Variants in HMCN1 observed in about 807,000 individuals in gnomAD.
HMCN1 encodes the protein hemicentin-1.
In HMCN1, 321 loss-of-function variants were observed where a neutral mutation model predicts 625.9. The ratio of observed to expected loss-of-function variants is 0.51; its 90% CI spans 0.47 to 0.56. The LOEUF (loss-of-function observed/expected upper bound fraction) is 0.56, where lower values mean the gene tolerates loss of function less well. Ranked by LOEUF, HMCN1 falls within the 20% of genes least tolerant of loss-of-function variation. The pLI is 0.00. For missense variants in HMCN1, 6,588 were observed against 6,887.3 expected (o/e 0.96, Z 1.54); for synonymous variants, 2,425 against 2,417.6 (o/e 1.00, Z -0.09).
chr1:185,760,730 T>C (rs1360711700), intron 1 of HMCN1, among the ~76,000 whole-genome samples: 20 of 152,168 alleles, frequency 1.3e-4, no homozygotes, highest in Non-Finnish European at 1.5e-5. Context: ...CCAGGTTTCA[T>C]GGAAGGAATA....
chr1:186,062,491 T>C (rs1408626316), intron 47 of HMCN1, 23 bp from the exon 48 acceptor site: 1 of 1,378,612 alleles, frequency 7.3e-7, no homozygotes, highest in Non-Finnish European at 1.0e-6. Flanking sequence ...AGCTGTTATT[T>C]TGTTGTTGTT....
chr1:186,129,299 T>G (rs1661803195), intron 83 of HMCN1, among the ~76,000 whole-genome samples: 1 of 151,366 alleles, frequency 6.6e-6, no homozygotes, highest in Non-Finnish European at 1.5e-5. Context: ...TTAGTTGTTT[T>G]AGGATTAGCA....
At chr1:186,124,243 C>T (rs1301368115) in intron 81 of HMCN1, among the ~76,000 whole-genome samples, 2 of 151,844 alleles carry the variant, frequency 1.3e-5, no homozygotes, top group Non-Finnish European at 2.9e-5. Context: ...CTTTGAAAAC[C>T]CCAAACCCAG....
chr1:185,772,337 A>G (rs1656301672), intron 1 of HMCN1, among the ~76,000 whole-genome samples: 1 of 152,192 alleles, frequency 6.6e-6, no homozygotes, highest in Non-Finnish European at 1.5e-5. Context: ...AGCAGCAAAA[A>G]GTGAGGAAGT....
intron 63 of HMCN1, 74 bp from the exon 64 acceptor site, chr1:186,090,684 T>A (rs1468156465): frequency 2.0e-6 from 3 of 1,515,556 alleles, no homozygotes; most frequent in Non-Finnish European, 2.7e-6. Flanking sequence ...AATGTCATAT[T>A]GTTTTATGAC....
intron 11 of HMCN1, among the ~76,000 whole-genome samples, chr1:185,956,644 A>G (rs1016928544): frequency 1.3e-5 from 2 of 151,814 alleles, no homozygotes; most frequent in Non-Finnish European, 2.9e-5. Context: ...TTTGGTTTTT[A>G]TGGAGATGTC....
Position 185,923,907 on chromosome 1 carries a change from GA to G in HMCN1, c.1285+258del, listed in dbSNP as rs781313494. On this transcript the variant is annotated intron_variant, in intron 8 of 106. Coordinates refer to ENST00000271588, the MANE Select transcript of HMCN1 (RefSeq NM_031935.3). ...TTAGTCAGTGTAAGAGCTGGAACTG[GA>G]AAATTCTGGTACTATCTTTTCCCCT... Among the ~76,000 whole-genome samples, 57 of 152,250 alleles carry G rather than the reference GA, an allele frequency of 3.7e-4. No individual in the cohort carries two copies. In the Middle Eastern group the frequency reaches 0.01, roughly 27 times the overall value.
chr1:185,752,743 C>T (rs1654895450), intron 1 of HMCN1, among the ~76,000 whole-genome samples: 1 of 152,144 alleles, frequency 6.6e-6, no homozygotes, highest in Admixed American at 6.6e-5. Flanking sequence ...GATGATTTCT[C>T]AGAAGATCTT....
At position 185,822,843 on chromosome 1, in the gene HMCN1, G is replaced by T. The variant is rs189382097; in HGVS notation, c.269-23183G>T. ...GTTTTGGGCAGGAAGTATCTTATTT[G>T]ACTGATAATACTTCAGATTCAGGAT... On this transcript the variant is annotated intron_variant, in intron 1 of 106. Coordinates refer to ENST00000271588, the MANE Select transcript of HMCN1 (RefSeq NM_031935.3). Among the ~76,000 whole-genome samples the T allele has an allele frequency of 5.9e-5, 9 of 151,466 alleles. No individual in the cohort carries two copies. In the East Asian group the frequency reaches 1.7e-3, roughly 29 times the overall value.
intron 99 of HMCN1, 117 bp downstream of exon 99, chr1:186,166,420 C>T: frequency 7.6e-7 from 1 of 1,309,674 alleles, no homozygotes; most frequent in East Asian, 2.5e-5. Context: ...ACCTTGGCAA[C>T]AAACAAAGAA....
chr1:186,112,779 T>G lies in HMCN1; in HGVS notation c.10990-33T>G, dbSNP rs1660950136. ...ATATTTATTCTCTTTTCCTGACATT[T>G]TAACGGCAAATTTCTTTACTTGCTG... On this transcript the variant is annotated intron_variant, in intron 71 of 106. Transcript: ENST00000271588. 1.9e-6 allele frequency: 3 copies of G among 1,613,188 alleles called. No homozygotes were observed. In the African/African-American group the frequency reaches 4.0e-5, roughly 22 times the overall value.
In HMCN1 at chr1:186,189,867, T is replaced by A; in HGVS notation, c.16897T>A (p.Tyr5633Asn). ...TFIVYIAVSAYPY is the reference protein window; with the variant it reads ...TFIVYIAVSANPY ...CATAGTTTATATAGCTGTGTCCGCC[T>A]ATCCATACTAAGGAACTCTCCAAAG... The change falls in exon 107 of 107, where the codon TAT (tyrosine) becomes AAT (asparagine). Residue 5633 changes from tyrosine (Y) to asparagine (N), a missense_variant. Tyr to Asn is a moderately radical substitution (Grantham distance 143, BLOSUM62 -2). Around this residue, in one of 3 missense-constraint regions of HMCN1, gnomAD observed 1,954 missense variants for 2,013.1 expected, o/e 0.97. Transcript: ENST00000271588. 1 of 1,613,654 alleles carries A rather than the reference T, an allele frequency of 6.2e-7. No individual in the cohort carries two copies. The highest frequency in any genetic ancestry group is 8.5e-7 in the Non-Finnish European group (1 of 1,179,794).
At chr1:185,893,147 C>G (rs1665240039) in intron 4 of HMCN1, among the ~76,000 whole-genome samples, 1 of 152,234 alleles carries the variant, frequency 6.6e-6, no homozygotes, top group Admixed American at 6.5e-5. Context: ...CTGAGTGAGG[C>G]AATGCCTCGC....
In HMCN1 at chr1:186,182,248, C is replaced by T. The variant is rs748625183; in HGVS notation, c.16375C>T (p.Pro5459Ser). ...TFGSYQCICP[P>S]GYQLTHNGKT... The stretch of plus-strand genomic sequence containing the variant: ...TGGAAGTTATCAGTGCATCTGCCCA[C>T]CTGGCTATCAACTCACACACAATGG... Residue 5459 changes from proline (P) to serine (S), a missense_variant, in exon 105 of 107, where the codon CCT (proline) becomes TCT (serine). This residue lies in a region of HMCN1 where 1,954 missense variants were observed against 2,013.1 expected (regional missense o/e 0.97). Coordinates refer to ENST00000271588, the MANE Select transcript of HMCN1 (RefSeq NM_031935.3). 4 of 1,613,488 alleles carry T rather than the reference C, an allele frequency of 2.5e-6. No homozygotes were observed. The highest frequency in any genetic ancestry group is 3.4e-6 in the Non-Finnish European group (4 of 1,179,526).
At chr1:186,149,219 A>G (rs768143576) in intron 93 of HMCN1, among the ~76,000 whole-genome samples, 5 of 152,200 alleles carry the variant, frequency 3.3e-5, no homozygotes, top group Non-Finnish European at 7.3e-5. Flanking sequence ...TAGCTATGAA[A>G]TTCCTAGCCA....
chr1:186,073,566 T>G (rs550799854), intron 52 of HMCN1, among the ~76,000 whole-genome samples: 1 of 152,242 alleles, frequency 6.6e-6, no homozygotes, highest in African/African-American at 2.4e-5. Context: ...AGGGATGCCC[T>G]TGACCAGCAA....
chr1:185,907,988 G>C (rs1004714613), intron 4 of HMCN1, among the ~76,000 whole-genome samples: 1 of 151,584 alleles, frequency 6.6e-6, no homozygotes, highest in Non-Finnish European at 1.5e-5. Context: ...GATGCACAAA[G>C]AAGTAGGAGA....
intron 36 of HMCN1, among the ~76,000 whole-genome samples, chr1:186,028,725 A>T (rs374401937): frequency 1.3e-3 from 177 of 137,756 alleles, no homozygotes; most frequent in African/African-American, 4.3e-3. Flanking sequence ...TCTAAAGCAT[A>T]TTTTTTTTTT....
chr1:185,794,361 G>C (rs868114204), intron 1 of HMCN1, among the ~76,000 whole-genome samples: 2 of 140,750 alleles, frequency 1.4e-5, no homozygotes, highest in Non-Finnish European at 3.0e-5. Context: ...ATATATATAT[G>C]TGAGTTTATT....
Sources: allele counts gnomAD v4.1 joint callset (sites outside exome capture counted in the v4.1 genomes callset), GRCh38; gene constraint gnomAD v4.1.1; regional missense constraint gnomAD v4.1.1; transcripts MANE v1.5; gene names NCBI Gene and HGNC (gene_info 2026-07-23, HGNC 2026-07-21).